The following GOLPH3L variants were observed in gnomAD, a reference collection of about 807,000 sequenced individuals.
GOLPH3L encodes the protein Golgi phosphoprotein 3-like.
Under a neutral mutation model 30.3 loss-of-function variants are expected in GOLPH3L, and 22 were observed. That is an observed-to-expected ratio of 0.73 (90% CI 0.52 to 1.04). The LOEUF is 1.04. Among genes scored for constraint, GOLPH3L ranks in the 50% least tolerant of loss-of-function variants. The probability of loss-of-function intolerance (pLI) is 0.00; values close to 1 mark genes in which losing one functional copy is unlikely to be tolerated. For synonymous variants in GOLPH3L, 120 were observed against 128.2 expected (o/e 0.94, Z 0.43); for missense variants, 303 against 345.8 (o/e 0.88, Z 0.98).
chr1:150,648,588 C>T lies in GOLPH3L; in HGVS notation c.591G>A (p.Gln197=). 6.2e-7 allele frequency: 1 copy of T among 1,614,048 alleles called. No individual in the cohort carries two copies. Among genetic ancestry groups the T allele is most frequent in the Non-Finnish European group, 8.5e-7 (1 of 1,179,960 alleles). The change falls in exon 5 of 5, where the codon CAG becomes CAA. Residue 197 remains glutamine (Q), a synonymous_variant. Coordinates refer to ENST00000271732, the MANE Select transcript of GOLPH3L (RefSeq NM_018178.6). ...TATCTTGAAGTTTTTTCACTAGTCG[C>T]TGTTTCTCTGTTGTATTGGTCACTG... is the stretch of plus-strand genomic sequence containing the variant. ...THPVTNTTEK[Q]RLVKKLQDSV... is the part of the protein sequence containing the mutation.
intron 2 of GOLPH3L, among the ~76,000 whole-genome samples, chr1:150,680,005 C>A (rs1650912274): frequency 6.6e-6 from 1 of 152,010 alleles, no homozygotes; most frequent in African/African-American, 2.4e-5. Context: ...TTATCGACTC[C>A]TAATTCAGAT....
rs375693376 is a variant in GOLPH3L at position 150,648,636 on chromosome 1, C to G, written c.543G>C (p.Leu181=). The G allele has an allele frequency of 1.9e-6, 3 of 1,613,744 alleles. No individual in the cohort carries two copies. In the African/African-American group the frequency reaches 4.0e-5, roughly 22 times the overall value. ...CTGGATGAGTAGTCATGTCAAATAG[C>G]AGGAAATTCTGCTTCTCAGTGGTTA... ...GILTTEKQNF[L]LFDMTTHPVT... is the part of the protein sequence containing the mutation. The change falls in exon 5 of 5, where the codon CTG becomes CTC. Residue 181 remains leucine (L), a synonymous_variant. Coordinates refer to ENST00000271732, the MANE Select transcript of GOLPH3L (RefSeq NM_018178.6).
intron 2 of GOLPH3L, among the ~76,000 whole-genome samples, chr1:150,666,972 G>A (rs1650523272): frequency 6.6e-6 from 1 of 152,078 alleles, no homozygotes; most frequent in African/African-American, 2.4e-5. Context: ...ACGAGATTCT[G>A]GAGGCCTAAA....
At chr1:150,655,642 G>A (rs976160659) in intron 4 of GOLPH3L, among the ~76,000 whole-genome samples, 20 of 152,158 alleles carry the variant, frequency 1.3e-4, no homozygotes, top group African/African-American at 4.8e-4. Flanking sequence ...AGCCAATTTG[G>A]ATAGAACGAT....
intron 3 of GOLPH3L, among the ~76,000 whole-genome samples, chr1:150,663,191 T>C (rs1334160990): frequency 6.6e-6 from 1 of 151,922 alleles, no homozygotes; most frequent in Admixed American, 6.6e-5. Flanking sequence ...CCCGCCACAA[T>C]GCCCCGCTAA....
chr1:150,684,259 C>T (rs1651032809), intron 2 of GOLPH3L, among the ~76,000 whole-genome samples: 1 of 152,190 alleles, frequency 6.6e-6, no homozygotes, highest in Admixed American at 6.5e-5. Context: ...GGTATTTTAG[C>T]AGGGCATCTT....
rs1299753119 is a variant in GOLPH3L, at chr1:150,647,628, T to C, written c.*693A>G. ...CATGAACGAGGTGTTGAGAGAGACT[T>C]TTCTTCATTTAGACATTTGCCCTAG... On this transcript the variant is annotated 3_prime_UTR_variant, in exon 5 of 5. Coordinates refer to ENST00000271732, the MANE Select transcript of GOLPH3L (RefSeq NM_018178.6). 1 of 152,690 alleles carries C rather than the reference T, an allele frequency of 6.5e-6. No homozygotes were observed. Among genetic ancestry groups the C allele is most frequent in the Non-Finnish European group, 1.5e-5 (1 of 68,064 alleles). The allele number at this position is 152,690 out of a possible 1,614,324, so 9.5% of individuals were successfully genotyped here.
chr1:150,671,896 C>T (rs1650654776), intron 2 of GOLPH3L, among the ~76,000 whole-genome samples: 1 of 144,078 alleles, frequency 6.9e-6, no homozygotes. Flanking sequence ...TTTAAAATAA[C>T]ATTAGAAAAT....
At chr1:150,692,854 C>A (rs1014463377) in intron 2 of GOLPH3L, among the ~76,000 whole-genome samples, 5 of 152,162 alleles carry the variant, frequency 3.3e-5, no homozygotes, top group Non-Finnish European at 7.3e-5. Context: ...TGCATAAGGT[C>A]AGCAGGAAAT....
At chr1:150,696,252 AC>A (rs1446748185) in intron 1 of GOLPH3L, among the ~76,000 whole-genome samples, 8 of 151,880 alleles carry the variant, frequency 5.3e-5, no homozygotes, top group African/African-American at 1.9e-4. Context: ...TGGGGTCTTC[AC>A]CCTTTTCTCT....
At chr1:150,666,241 CTTT>C (rs1342483421) in intron 2 of GOLPH3L, among the ~76,000 whole-genome samples, 4 of 152,104 alleles carry the variant, frequency 2.6e-5, no homozygotes, top group African/African-American at 7.2e-5. Context: ...CCTTTATTTT[CTTT>C]TTTCTTTCCT....
intron 2 of GOLPH3L, among the ~76,000 whole-genome samples, chr1:150,693,025 T>C (rs1557791157): frequency 6.6e-6 from 1 of 152,224 alleles, no homozygotes; most frequent in Non-Finnish European, 1.5e-5. Context: ...CTTGGAGAGC[T>C]GGTTTTGCCT....
At chr1:150,652,600 A>G (rs1023261885) in intron 4 of GOLPH3L, among the ~76,000 whole-genome samples, 2 of 152,094 alleles carry the variant, frequency 1.3e-5, no homozygotes, top group African/African-American at 4.8e-5. Context: ...ATCCACGTGA[A>G]CAAACAGTAA....
chr1:150,684,720 T>C (rs927460556), intron 2 of GOLPH3L, among the ~76,000 whole-genome samples: 3 of 151,956 alleles, frequency 2.0e-5, no homozygotes, highest in Non-Finnish European at 4.4e-5. Context: ...CAGACTGTAG[T>C]GCAATGGTGC....
At chr1:150,657,174 T>C (rs911207111) in intron 4 of GOLPH3L, among the ~76,000 whole-genome samples, 4 of 152,244 alleles carry the variant, frequency 2.6e-5, no homozygotes, top group Non-Finnish European at 5.9e-5. Context: ...ATTTACCCAG[T>C]TAGAAACAGC....
At chr1:150,676,639 T>C (rs1456548565) in intron 2 of GOLPH3L, among the ~76,000 whole-genome samples, 1 of 150,232 alleles carries the variant, frequency 6.7e-6, no homozygotes, top group Non-Finnish European at 1.5e-5. Flanking sequence ...ATTCTATTTT[T>C]TTTTTTTTTT....
chr1:150,681,547 T>C (rs1650947902), intron 2 of GOLPH3L, among the ~76,000 whole-genome samples: 1 of 152,052 alleles, frequency 6.6e-6, no homozygotes, highest in African/African-American at 2.4e-5. Flanking sequence ...GTTAGTCAGA[T>C]GAAGTGGGGC....
chr1:150,685,873 TC>T (rs1247409788), intron 2 of GOLPH3L, among the ~76,000 whole-genome samples: 5 of 102,210 alleles, frequency 4.9e-5, no homozygotes, highest in African/African-American at 1.3e-4. Context: ...TGTAAGTATG[TC>T]TTTTTTTTTT....
intron 4 of GOLPH3L, among the ~76,000 whole-genome samples, chr1:150,660,055 TCAA>T (rs907866611): frequency 2.0e-5 from 3 of 151,606 alleles, no homozygotes; most frequent in African/African-American, 7.3e-5. Context: ...CAAAAAAACC[TCAA>T]CAACAACAAA....
Sources: gnomAD v4.1 joint callset for allele counts (sites outside exome capture counted in the v4.1 genomes callset) on GRCh38, gnomAD v4.1.1 for gene constraint, MANE v1.5 for transcripts, NCBI Gene and HGNC (gene_info 2026-07-23, HGNC 2026-07-21) for gene names.